ERI1: variants seen among roughly 807,000 people sequenced by gnomAD.
ERI1 encodes 3'-5' exoribonuclease 1.
Under a neutral mutation model 39.7 loss-of-function variants are expected in ERI1, and 39 were observed. The ratio of observed to expected loss-of-function variants is 0.98; its 90% CI spans 0.76 to 1.28. ERI1 has a LOEUF of 1.28. Ranked by LOEUF, ERI1 falls within the 50% of genes most tolerant of loss-of-function variation. The probability of loss-of-function intolerance (pLI) is 0.00; values close to 1 mark genes in which losing one functional copy is unlikely to be tolerated. For synonymous variants in ERI1, 204 were observed against 149.6 expected, an observed-to-expected ratio of 1.36 and a Z score of -2.65; for missense variants, 581 against 416.9, an observed-to-expected ratio of 1.39 and a Z score of -3.43.
At position 9,068,080 on chromosome 8, in the gene ERI1, A is replaced by C. The variant is rs186847506; in HGVS notation, n.299+47616A>C. Among the ~76,000 whole-genome samples, 23 of 152,322 alleles carry C rather than the reference A, an allele frequency of 1.5e-4. 1 individual carries two copies. The East Asian group carries it at 4.0e-3, about 27-fold the overall frequency. ...GGCTAAAAAAGTGGAGGAAGCAGAG[A>C]ACATATATTTTCAGAGCAACATCTA... is the stretch of plus-strand genomic sequence containing the variant. On this transcript the variant is annotated intron_variant and non_coding_transcript_variant, in intron 3 of 3. Transcript: ENST00000518663.
chr8:9,056,202 G>T (rs1423379571), intron 3 of ERI1, among the ~76,000 whole-genome samples: 1 of 152,242 alleles, frequency 6.6e-6, no homozygotes, highest in Non-Finnish European at 1.5e-5. Context: ...CAGCTCCGCT[G>T]GAAGTGGAAG....
chr8:9,011,410 A>T, intron 2 of ERI1, 132 bp from the exon 3 acceptor site: 2 of 507,538 alleles, frequency 3.9e-6, no homozygotes, highest in Non-Finnish European at 7.0e-6. Flanking sequence ...TGCTTTTCTT[A>T]CATTTATTTT....
At chr8:9,055,715 A>T (rs777109978) in intron 3 of ERI1, among the ~76,000 whole-genome samples, 1 of 151,968 alleles carries the variant, frequency 6.6e-6, no homozygotes, top group African/African-American at 2.4e-5. Context: ...AATTTTTTGT[A>T]TTTTTAGTAC....
chr8:9,055,090 T>C (rs1329169087), intron 3 of ERI1, among the ~76,000 whole-genome samples: 2 of 151,970 alleles, frequency 1.3e-5, no homozygotes, highest in African/African-American at 2.4e-5. Context: ...TGAGCCAGAG[T>C]AGGCTCAGAG....
chr8:9,020,562 G>GA lies in ERI1; in HGVS notation c.807+104dup, dbSNP rs1326047190. 13 of 729,912 alleles carry GA rather than the reference G, an allele frequency of 1.8e-5. No homozygotes were observed. The Admixed American group carries it at 2.9e-4, about 17-fold the overall frequency. The allele number at this position is 729,912 out of a possible 1,614,324, so 45.2% of individuals were successfully genotyped here. A position where few individuals can be genotyped will look rare whatever the true frequency, so the allele number is the denominator to read the frequency against. On this transcript the variant is annotated intron_variant, in intron 6 of 6. Coordinates refer to ENST00000250263, the MANE Select transcript of ERI1 (RefSeq NM_153332.4). ...TGTAATTTTCCAGGTGTTTTTCATG[G>GA]AAAAAAGCCATATAATTAGTTCTTA...
intron 3 of ERI1, among the ~76,000 whole-genome samples, chr8:9,077,436 C>T (rs1799242207): frequency 6.6e-6 from 1 of 152,116 alleles, no homozygotes; most frequent in South Asian, 2.1e-4. Flanking sequence ...TTATCATGTG[C>T]CTATGTGCAC....
At chr8:9,090,777 AAAC>A (rs1188802415) in intron 3 of ERI1, among the ~76,000 whole-genome samples, 12 of 152,226 alleles carry the variant, frequency 7.9e-5, no homozygotes, top group Non-Finnish European at 1.3e-4. Flanking sequence ...CAAGATCAAA[AAAC>A]AACAACAACA....
At chr8:9,038,942 G>A (rs920204330) in intron 3 of ERI1, among the ~76,000 whole-genome samples, 9 of 152,090 alleles carry the variant, frequency 5.9e-5, no homozygotes, top group Non-Finnish European at 1.3e-4. Flanking sequence ...TTTAATTTCC[G>A]TGACAAAAAT....
chr8:9,018,013 G>T (rs757296194), intron 4 of ERI1, among the ~76,000 whole-genome samples: 1 of 152,104 alleles, frequency 6.6e-6, no homozygotes, highest in Non-Finnish European at 1.5e-5. Context: ...CCAGTAAGCC[G>T]CTAGGTTCAG....
intron 2 of ERI1, 93 bp downstream of exon 2, chr8:9,008,241 C>A (rs1816255257): frequency 1.8e-6 from 2 of 1,107,802 alleles, no homozygotes; most frequent in Non-Finnish European, 2.5e-6. Context: ...CATCTGTAAT[C>A]CTACCGTAAT....
chr8:9,026,117 C>G (rs150457232), intron 6 of ERI1, among the ~76,000 whole-genome samples: 1 of 152,122 alleles, frequency 6.6e-6, no homozygotes, highest in African/African-American at 2.4e-5. Context: ...GTTTTGACTG[C>G]GAACCATCAC....
At chr8:9,054,714 C>G (rs1448349008) in intron 3 of ERI1, among the ~76,000 whole-genome samples, 1 of 152,168 alleles carries the variant, frequency 6.6e-6, no homozygotes, top group East Asian at 1.9e-4. Flanking sequence ...CACTTGAGGC[C>G]AAGAGTTTGA....
intron 2 of ERI1, chr8:9,009,034 A>C (rs765200410): frequency 4.4e-6 from 2 of 456,304 alleles, no homozygotes; most frequent in Non-Finnish European, 8.8e-6. Context: ...TTATGAAGGT[A>C]CAACTTGTAG....
In ERI1 at chr8:9,031,655, T is replaced by C. The variant is rs575988003; in HGVS notation, c.*1621T>C. 1 of 152,330 alleles carries C rather than the reference T, an allele frequency of 6.6e-6. No individual in the cohort carries two copies. The highest frequency in any genetic ancestry group is 6.5e-5 in the Admixed American group (1 of 15,306). The allele number at this position is 152,330 out of a possible 1,614,324, so 9.4% of individuals were successfully genotyped here. On this transcript the variant is annotated 3_prime_UTR_variant, in exon 7 of 7. Transcript: ENST00000250263. ...TACGTTTCCAGTTTTTTTAGCTCTA[T>C]CTGCTAATTTCTTTGCCTGTTTTCA... is the stretch of plus-strand genomic sequence containing the variant.
intron 3 of ERI1, among the ~76,000 whole-genome samples, chr8:9,077,097 C>G (rs1460622952): frequency 6.6e-6 from 1 of 152,220 alleles, no homozygotes; most frequent in Non-Finnish European, 1.5e-5. Flanking sequence ...ATTAGCTACC[C>G]ATTACCTACT....
At chr8:9,006,746 A>G (rs564909387) in intron 1 of ERI1, among the ~76,000 whole-genome samples, 2 of 152,278 alleles carry the variant, frequency 1.3e-5, no homozygotes, top group Admixed American at 1.3e-4. Flanking sequence ...GACAGTTCAC[A>G]CATTGGAACT....
chr8:9,021,862 A>T (rs890176139), intron 6 of ERI1, among the ~76,000 whole-genome samples: 4 of 142,872 alleles, frequency 2.8e-5, no homozygotes, highest in African/African-American at 1.1e-4. Flanking sequence ...TATTAATTCC[A>T]TTGTGTGACT....
intron 3 of ERI1, among the ~76,000 whole-genome samples, chr8:9,090,522 T>C (rs1799671285): frequency 6.6e-6 from 1 of 152,200 alleles, no homozygotes; most frequent in Non-Finnish European, 1.5e-5. Flanking sequence ...TGAAGTAGAA[T>C]ACGTTGGAAT....
At chr8:9,060,934 G>A (rs1416252494) in intron 3 of ERI1, among the ~76,000 whole-genome samples, 3 of 152,234 alleles carry the variant, frequency 2.0e-5, no homozygotes, top group African/African-American at 7.2e-5. Context: ...GAGGACGCTT[G>A]CGTAGTGAGG....
Sources: gnomAD v4.1 joint callset for allele counts (sites outside exome capture counted in the v4.1 genomes callset) on GRCh38, gnomAD v4.1.1 for gene constraint, MANE v1.5 for transcripts, NCBI Gene and HGNC (gene_info 2026-07-23, HGNC 2026-07-21) for gene names.